Variants in SHTN1 observed in about 807,000 individuals in gnomAD.
The protein encoded by SHTN1 is shootin-1.
A neutral mutation model predicts 83.1 loss-of-function variants in SHTN1; 42 were observed. That is an observed-to-expected ratio of 0.51 (90% CI 0.39 to 0.65). The LOEUF (loss-of-function observed/expected upper bound fraction) is 0.65. Ranked by LOEUF, SHTN1 falls within the 30% of genes least tolerant of loss-of-function variation. The pLI, the probability that SHTN1 is intolerant of heterozygous loss-of-function variation, is 0.00. For missense variants in SHTN1, 622 were observed against 737.8 expected, an observed-to-expected ratio of 0.84 and a Z score of 1.82; for synonymous variants, 224 against 247.7, an observed-to-expected ratio of 0.90 and a Z score of 0.90.
chr10:117,114,091 T>TC (rs1002057074), intron 1 of SHTN1, among the ~76,000 whole-genome samples: 53 of 152,090 alleles, frequency 3.5e-4, no homozygotes, highest in African/African-American at 1.2e-3. Context: ...GGTGTGCCCC[T>TC]CCAGCTACTC....
intron 14 of SHTN1, 39 bp downstream of exon 14, chr10:116,911,751 T>A (rs773760810): frequency 6.3e-7 from 1 of 1,583,096 alleles, no homozygotes; most frequent in South Asian, 1.1e-5. Flanking sequence ...TCCTTTCATT[T>A]CCCCATTAGC....
intron 4 of SHTN1, among the ~76,000 whole-genome samples, chr10:116,955,100 CAAAAAAAAAAA>C (rs59777387): frequency 2.3e-5 from 2 of 87,778 alleles, no homozygotes; most frequent in African/African-American, 7.2e-5. Flanking sequence ...TACTTCACAG[CAAAAAAAAAAA>C]AAAAAAAAAG....
At chr10:117,003,790 T>C (rs1851905957) in intron 1 of SHTN1, among the ~76,000 whole-genome samples, 1 of 152,220 alleles carries the variant, frequency 6.6e-6, no homozygotes, top group African/African-American at 2.4e-5. Flanking sequence ...GATCCTTCCA[T>C]TACATGGTCT....
At chr10:117,032,746 C>A (rs1343271226) in intron 2 of SHTN1, among the ~76,000 whole-genome samples, 1 of 152,118 alleles carries the variant, frequency 6.6e-6, no homozygotes, top group Non-Finnish European at 1.5e-5. Flanking sequence ...ACATTCTTTT[C>A]CTCAGCACAT....
At chr10:117,009,776 C>T (rs1852075498), upstream of SHTN1, among the ~76,000 whole-genome samples, 1 of 151,744 alleles carries the variant, frequency 6.6e-6, no homozygotes, top group South Asian at 2.1e-4. Context: ...TGGTGGCGGG[C>T]GCCTGTAGTC....
chr10:116,937,548 C>A (rs1158127809), intron 9 of SHTN1, among the ~76,000 whole-genome samples: 3 of 152,180 alleles, frequency 2.0e-5, no homozygotes, highest in Non-Finnish European at 2.9e-5. Flanking sequence ...GTCTGCTGGG[C>A]TTCCCTTTGT....
chr10:116,953,299 G>A (rs1266938077), intron 5 of SHTN1, among the ~76,000 whole-genome samples: 9 of 152,034 alleles, frequency 5.9e-5, no homozygotes, highest in Admixed American at 5.9e-4. Context: ...CAACAAAAAG[G>A]GGTGTCGCTA....
rs546067294 is a variant in SHTN1 at position 117,106,348 on chromosome 10, G to A, written c.-189+19959C>T. On this transcript the variant is annotated intron_variant, in intron 1 of 17. Transcript: ENST00000392901. Reference sequence around the variant, plus strand: ...CGGGCACCTGTAGTCCCAGCTACTCGTGAGGCTGAGGCAGGAGAATTGCTT... The same window carrying A: ...CGGGCACCTGTAGTCCCAGCTACTCATGAGGCTGAGGCAGGAGAATTGCTT... Among the ~76,000 whole-genome samples, 210 of 151,826 alleles carry A rather than the reference G, an allele frequency of 1.4e-3. 3 individuals carry two copies. Among genetic ancestry groups the A allele is most frequent in the South Asian group, 5.0e-3 (24 of 4,800 alleles).
rs192138125 is a variant in SHTN1, at chr10:116,980,526, T to C, written c.59-1218A>G. The stretch of plus-strand genomic sequence containing the variant: ...CCCAGCCTGGTCACAATTTGAACTT[T>C]TGCTTTATGGATTTATCTACCAAAA... On this transcript the variant is annotated intron_variant, in intron 1 of 16. Coordinates refer to ENST00000355371, the MANE Select transcript of SHTN1 (RefSeq NM_001127211.3). Among the ~76,000 whole-genome samples the C allele has an allele frequency of 2.0e-4, 31 of 151,856 alleles. No individual in the cohort carries two copies. The South Asian group carries it at 4.2e-3, about 20-fold the overall frequency.
At chr10:116,968,627 T>C (rs1206731750) in intron 3 of SHTN1, 25 bp downstream of exon 3, 1 of 1,559,062 alleles carries the variant, frequency 6.4e-7, no homozygotes, top group Non-Finnish European at 8.8e-7. Context: ...TGTGTTATAA[T>C]AATTCCACTG....
intron 1 of SHTN1, among the ~76,000 whole-genome samples, chr10:117,118,664 G>A (rs553594360): frequency 1.3e-5 from 2 of 152,216 alleles, no homozygotes; most frequent in East Asian, 1.9e-4. Context: ...ACTTATCAAC[G>A]AATTAGTGGA....
intron 1 of SHTN1, among the ~76,000 whole-genome samples, chr10:117,118,358 C>T (rs1436079324): frequency 1.4e-5 from 1 of 69,120 alleles, no homozygotes; most frequent in Non-Finnish European, 2.8e-5. Context: ...AAATATAATC[C>T]ATTTCAAAAA....
At chr10:117,060,958 T>C (rs2133595207) in intron 1 of SHTN1, among the ~76,000 whole-genome samples, 1 of 152,262 alleles carries the variant, frequency 6.6e-6, no homozygotes. Flanking sequence ...TGGTTTCTAA[T>C]TTAAACAGCA....
At chr10:117,006,249 TTG>T (rs1491587552), upstream of SHTN1, among the ~76,000 whole-genome samples, 1 of 150,740 alleles carries the variant, frequency 6.6e-6, no homozygotes, top group Non-Finnish European at 1.5e-5. Flanking sequence ...TGTTTTTTTT[TTG>T]TTTTTTTGTT....
intron 1 of SHTN1, among the ~76,000 whole-genome samples, chr10:116,986,716 C>CTT (rs869306412): frequency 6.9e-4 from 52 of 75,858 alleles, no homozygotes; most frequent in African/African-American, 2.5e-3. Context: ...ACCCAGTATC[C>CTT]TTTTTTTTTT....
chr10:116,886,712 T>C, intron 16 of SHTN1, 146 bp from the exon 17 acceptor site: 1 of 1,113,626 alleles, frequency 9.0e-7, no homozygotes, highest in Non-Finnish European at 1.3e-6. Context: ...ATGCCAGCCA[T>C]TTAAAAGAAA....
chr10:117,124,817 A>G (rs1269840309), intron 1 of SHTN1, among the ~76,000 whole-genome samples: 1 of 152,236 alleles, frequency 6.6e-6, no homozygotes, highest in Non-Finnish European at 1.5e-5. Context: ...TTTACAGATG[A>G]GGATTCTGAC....
At chr10:117,015,308 T>C (rs1564931292) in intron 2 of SHTN1, among the ~76,000 whole-genome samples, 1 of 152,076 alleles carries the variant, frequency 6.6e-6, no homozygotes, top group Non-Finnish European at 1.5e-5. Context: ...ATTTTTTTTG[T>C]TTGTTTTGGT....
At chr10:116,953,539 C>T (rs575223057) in intron 5 of SHTN1, among the ~76,000 whole-genome samples, 5 of 151,898 alleles carry the variant, frequency 3.3e-5, no homozygotes, top group Non-Finnish European at 5.9e-5. Flanking sequence ...CTAGGTCCTA[C>T]CCCATCCAAA....
Sources: gnomAD v4.1 joint callset for allele counts (sites outside exome capture counted in the v4.1 genomes callset) on GRCh38, gnomAD v4.1.1 for gene constraint, MANE v1.5 for transcripts, NCBI Gene and HGNC (gene_info 2026-07-23, HGNC 2026-07-21) for gene names.